The following GRM8 variants were observed in gnomAD, a reference collection of about 807,000 sequenced individuals.
GRM8 encodes the protein metabotropic glutamate receptor 8.
A neutral mutation model predicts 87.2 loss-of-function variants in GRM8; 47 were observed. The observed-to-expected ratio is 0.54, with a 90% CI of 0.43 to 0.69. GRM8 has a LOEUF of 0.69. Among genes scored for constraint, GRM8 ranks in the 30% least tolerant of loss-of-function variants. The pLI, the probability that GRM8 is intolerant of heterozygous loss-of-function variation, is 0.00. For synonymous variants in GRM8, 396 were observed against 404.5 expected, an observed-to-expected ratio of 0.98 and a Z score of 0.25; for missense variants, 1,019 against 1,139.2, an observed-to-expected ratio of 0.89 and a Z score of 1.52.
At chr7:126,818,171 T>C (rs10251431) in intron 6 of GRM8, among the ~76,000 whole-genome samples, 100,587 of 151,840 alleles carry the variant, frequency 0.66, 33,553 homozygotes, top group African/African-American at 0.71. Flanking sequence ...GACTCTTTAA[T>C]ATCTTAATAG....
intron 3 of GRM8, among the ~76,000 whole-genome samples, chr7:126,971,272 C>A (rs893534482): frequency 1.3e-5 from 2 of 151,066 alleles, no homozygotes; most frequent in Admixed American, 6.6e-5. Context: ...TTTAGAGATC[C>A]AGGCCAGTTT....
intron 7 of GRM8, among the ~76,000 whole-genome samples, chr7:126,744,522 T>C (rs1182216362): frequency 1.3e-5 from 2 of 152,072 alleles, no homozygotes; most frequent in African/African-American, 4.8e-5. Flanking sequence ...TGTTCCAACA[T>C]TTAAAAGAGA....
chr7:126,938,689 A>C (rs1286075538), intron 3 of GRM8, among the ~76,000 whole-genome samples: 3 of 152,234 alleles, frequency 2.0e-5, no homozygotes, highest in Admixed American at 1.3e-4. Flanking sequence ...TGTAAAATTA[A>C]GACAATTTTC....
intron 8 of GRM8, among the ~76,000 whole-genome samples, chr7:126,541,563 T>C (rs1011665498): frequency 5.3e-5 from 8 of 152,178 alleles, no homozygotes; most frequent in African/African-American, 1.9e-4. Flanking sequence ...CTCTGGACTG[T>C]AGCGTAGAAA....
At chr7:126,469,764 G>A (rs542948392) in intron 9 of GRM8, among the ~76,000 whole-genome samples, 5 of 152,178 alleles carry the variant, frequency 3.3e-5, no homozygotes, top group South Asian at 4.2e-4. Flanking sequence ...ACCTAGTCTC[G>A]AGTATGTCTT....
At position 127,174,158 on chromosome 7, in the gene GRM8, C is replaced by T. The variant is rs560454340; in HGVS notation, c.511-67446G>A. ...GACTACAATGCTAATAGTTCTCAAACGTACACAAGATGTACGTAATGTCCT... is the reference window on the plus strand; with the variant it reads ...GACTACAATGCTAATAGTTCTCAAATGTACACAAGATGTACGTAATGTCCT... On this transcript the variant is annotated intron_variant, in intron 2 of 10. Coordinates refer to ENST00000339582, the MANE Select transcript of GRM8 (RefSeq NM_000845.3). Among the ~76,000 whole-genome samples the T allele has an allele frequency of 7.2e-5, 11 of 152,236 alleles. 1 individual carries two copies. Among genetic ancestry groups the T allele is most frequent in the South Asian group, 4.1e-4 (2 of 4,820 alleles).
chr7:126,557,846 A>G (rs1461631463), intron 8 of GRM8, among the ~76,000 whole-genome samples: 4 of 152,164 alleles, frequency 2.6e-5, no homozygotes, highest in African/African-American at 9.6e-5. Flanking sequence ...TACACTATAT[A>G]TATGTGCTTG....
intron 3 of GRM8, among the ~76,000 whole-genome samples, chr7:127,083,815 G>A (rs1823140407): frequency 6.6e-6 from 1 of 151,934 alleles, no homozygotes; most frequent in Admixed American, 6.6e-5. Context: ...GATATCTCTG[G>A]GCAAAATAAA....
At chr7:127,207,835 A>G (rs1440549399) in intron 2 of GRM8, among the ~76,000 whole-genome samples, 1 of 152,282 alleles carries the variant, frequency 6.6e-6, no homozygotes, top group East Asian at 1.9e-4. Context: ...AAGATACCAA[A>G]TTATAAAGAT....
chr7:126,552,417 ATAATCCAACT>A (rs1009939970), intron 8 of GRM8, among the ~76,000 whole-genome samples: 9 of 152,164 alleles, frequency 5.9e-5, no homozygotes, highest in African/African-American at 2.2e-4. Flanking sequence ...TTGAGATAAT[ATAATCCAACT>A]TTCAATTTTT....
chr7:126,533,172 C>T lies in GRM8; in HGVS notation c.2210G>A (p.Arg737Lys). 1 of 1,612,874 alleles carries T rather than the reference C, an allele frequency of 6.2e-7. No homozygotes were observed. Among genetic ancestry groups the T allele is most frequent in the Non-Finnish European group, 8.5e-7 (1 of 1,179,668 alleles). ...EQRTLDPEKARGVLKCDISDL... is the reference protein window; with the variant it reads ...EQRTLDPEKAKGVLKCDISDL... ...AGAAATGTCACACTTGAGCACTCCC[C>T]TGGCCTTCTCTGGATCTAGTGTCCG... is the stretch of plus-strand genomic sequence containing the variant. Residue 737 changes from arginine (R) to lysine (K), a missense_variant, in exon 9 of 11, where the codon AGG becomes AAG. Coordinates refer to ENST00000339582, the MANE Select transcript of GRM8 (RefSeq NM_000845.3).
Position 127,106,616 on chromosome 7 carries a change from C to T in GRM8, c.607G>A (p.Ala203Thr), listed in dbSNP as rs755663515. The T allele has an allele frequency of 1.3e-5, 21 of 1,613,938 alleles. No individual in the cohort carries two copies. Among genetic ancestry groups the T allele is most frequent in the Middle Eastern group, 1.6e-4 (1 of 6,084 alleles). ...GTCACGATGTCCACCATGGCTTGGGCTTGGTAGGAGTCAGGCGGAACCACT... is the reference window on the plus strand; with the variant it reads ...GTCACGATGTCCACCATGGCTTGGGTTTGGTAGGAGTCAGGCGGAACCACT... ...SRVVPPDSYQ[A>T]QAMVDIVTAL... The change falls in exon 3 of 11, where the codon GCC becomes ACC. Residue 203 changes from alanine (A) to threonine (T), a missense_variant. Physicochemically the swap from Ala to Thr is moderately conservative, Grantham distance 58. Coordinates refer to ENST00000339582, the MANE Select transcript of GRM8 (RefSeq NM_000845.3).
At chr7:126,875,133 G>A (rs966134581) in intron 6 of GRM8, among the ~76,000 whole-genome samples, 5 of 151,978 alleles carry the variant, frequency 3.3e-5, no homozygotes, top group African/African-American at 1.2e-4. Context: ...AATTTAGAAA[G>A]TCTCAAAATA....
chr7:127,129,737 T>C (rs1377313049), intron 2 of GRM8, among the ~76,000 whole-genome samples: 1 of 152,194 alleles, frequency 6.6e-6, no homozygotes, highest in Admixed American at 6.5e-5. Context: ...AAAGTCACAG[T>C]AGAGATTCTT....
At chr7:127,014,956 A>AG (rs1815269778) in intron 3 of GRM8, among the ~76,000 whole-genome samples, 2 of 145,702 alleles carry the variant, frequency 1.4e-5, no homozygotes, top group African/African-American at 5.1e-5. Flanking sequence ...AGAGAGAGAG[A>AG]AGAAGAAGAA....
intron 9 of GRM8, among the ~76,000 whole-genome samples, chr7:126,524,128 T>C (rs1171811754): frequency 6.6e-6 from 1 of 152,180 alleles, no homozygotes; most frequent in Non-Finnish European, 1.5e-5. Flanking sequence ...ATATTGTGAA[T>C]ATATTAACCA....
chr7:126,708,173 T>C (rs1359278899), intron 7 of GRM8, among the ~76,000 whole-genome samples: 1 of 152,144 alleles, frequency 6.6e-6, no homozygotes, highest in East Asian at 1.9e-4. Context: ...CAAATTAAAA[T>C]CATAATGAGG....
intron 7 of GRM8, among the ~76,000 whole-genome samples, chr7:126,643,483 T>C (rs1022271718): frequency 1.3e-5 from 2 of 150,846 alleles, no homozygotes; most frequent in Non-Finnish European, 3.0e-5. Flanking sequence ...CTTGTGTATA[T>C]TTATATGTGT....
chr7:126,868,091 T>C (rs1277640362), intron 6 of GRM8, among the ~76,000 whole-genome samples: 1 of 152,126 alleles, frequency 6.6e-6, no homozygotes, highest in East Asian at 1.9e-4. Context: ...GTGAGCTGAG[T>C]GCTCTCAGGC....
Sources: allele counts gnomAD v4.1 joint callset (sites outside exome capture counted in the v4.1 genomes callset), GRCh38; gene constraint gnomAD v4.1.1; transcripts MANE v1.5; gene names NCBI Gene and HGNC (gene_info 2026-07-23, HGNC 2026-07-21).